Variants in OXCT1 observed in about 807,000 individuals in gnomAD.
OXCT1 encodes the protein succinyl-CoA:3-ketoacid coenzyme A transferase 1, mitochondrial.
OXCT1 carries 27 observed loss-of-function variants against 69.6 expected under a neutral mutation model. The ratio of observed to expected loss-of-function variants is 0.39; its 90% CI spans 0.29 to 0.54. The LOEUF (loss-of-function observed/expected upper bound fraction) is 0.54. Among genes scored for constraint, OXCT1 ranks in the 20% least tolerant of loss-of-function variants. OXCT1 has a pLI of 0.72. For missense variants in OXCT1, 437 were observed against 650.2 expected (o/e 0.67, Z 3.57); for synonymous variants, 202 against 217.8 (o/e 0.93, Z 0.64).
intron 3 of OXCT1, among the ~76,000 whole-genome samples, chr5:41,857,121 A>C (rs1749465109): frequency 6.6e-6 from 1 of 152,158 alleles, no homozygotes; most frequent in Non-Finnish European, 1.5e-5. Flanking sequence ...AAGCCTATTC[A>C]AAATCTGGCC....
intron 9 of OXCT1, among the ~76,000 whole-genome samples, chr5:41,803,443 A>G (rs1245933042): frequency 1.3e-5 from 2 of 152,090 alleles, no homozygotes; most frequent in Non-Finnish European, 2.9e-5. Context: ...GCACATTTTC[A>G]TTAATGTGCT....
intron 7 of OXCT1, among the ~76,000 whole-genome samples, chr5:41,835,270 C>T (rs1217259527): frequency 2.6e-5 from 4 of 151,970 alleles, no homozygotes; most frequent in African/African-American, 9.7e-5. Context: ...CAAGATTGAA[C>T]CAGAAAGAAA....
chr5:41,819,542 G>C (rs919673216), intron 7 of OXCT1, among the ~76,000 whole-genome samples: 1 of 151,940 alleles, frequency 6.6e-6, no homozygotes, highest in Non-Finnish European at 1.5e-5. Flanking sequence ...ACTAATTTTT[G>C]TATTTTTAGT....
chr5:41,852,576 A>G (rs1238935057), intron 4 of OXCT1, among the ~76,000 whole-genome samples: 1 of 152,208 alleles, frequency 6.6e-6, no homozygotes, highest in Non-Finnish European at 1.5e-5. Flanking sequence ...AATAACTCCA[A>G]TTAGTTAAGA....
intron 7 of OXCT1, among the ~76,000 whole-genome samples, chr5:41,825,217 C>T (rs533237287): frequency 2.0e-5 from 3 of 152,224 alleles, no homozygotes; most frequent in Admixed American, 6.5e-5. Context: ...GAGAAGGTGA[C>T]CTATACTTTT....
At chr5:41,812,592 G>T (rs1429652369) in intron 7 of OXCT1, among the ~76,000 whole-genome samples, 1 of 152,002 alleles carries the variant, frequency 6.6e-6, no homozygotes, top group Non-Finnish European at 1.5e-5. Context: ...AAATGCTCAA[G>T]ATAAGGAAAG....
chr5:41,810,855 T>C (rs1746946717), intron 7 of OXCT1, among the ~76,000 whole-genome samples: 1 of 151,714 alleles, frequency 6.6e-6, no homozygotes, highest in African/African-American at 2.4e-5. Context: ...CCCTAAATGG[T>C]GTTAGCGAAA....
At chr5:41,827,736 C>T (rs1452993013) in intron 7 of OXCT1, among the ~76,000 whole-genome samples, 1 of 152,098 alleles carries the variant, frequency 6.6e-6, no homozygotes, top group African/African-American at 2.4e-5. Context: ...GAGGCTTTAC[C>T]TTACCAACAA....
chr5:41,847,414 T>C (rs1031978766), intron 5 of OXCT1, among the ~76,000 whole-genome samples: 1 of 152,160 alleles, frequency 6.6e-6, no homozygotes, highest in African/African-American at 2.4e-5. Flanking sequence ...GAGGGAATCC[T>C]CCCTAACTCA....
At chr5:41,857,315 C>T (rs1579894042) in intron 3 of OXCT1, among the ~76,000 whole-genome samples, 1 of 152,186 alleles carries the variant, frequency 6.6e-6, no homozygotes, top group Admixed American at 6.5e-5. Context: ...TAAAGGTCTC[C>T]GGAGTGGCCT....
At chr5:41,855,938 A>G (rs1217936553) in intron 3 of OXCT1, among the ~76,000 whole-genome samples, 13 of 152,152 alleles carry the variant, frequency 8.5e-5, no homozygotes, top group Non-Finnish European at 7.4e-5. Flanking sequence ...GTGTAGAGAA[A>G]AACAGACAGA....
At chr5:41,779,712 G>GA (rs1745303462) in intron 13 of OXCT1, among the ~76,000 whole-genome samples, 3 of 148,268 alleles carry the variant, frequency 2.0e-5, no homozygotes, top group South Asian at 2.2e-4. Flanking sequence ...GTAAAGTTTA[G>GA]AAAAAAAAAT....
intron 13 of OXCT1, among the ~76,000 whole-genome samples, chr5:41,769,313 C>G (rs1044120606): frequency 6.6e-6 from 1 of 152,010 alleles, no homozygotes; most frequent in Non-Finnish European, 1.5e-5. Flanking sequence ...CAATAGGGAG[C>G]CTCCAAGACC....
At chr5:41,845,882 T>TA (rs1169110094) in intron 5 of OXCT1, among the ~76,000 whole-genome samples, 1 of 152,066 alleles carries the variant, frequency 6.6e-6, no homozygotes, top group African/African-American at 2.4e-5. Flanking sequence ...AGATCAAACA[T>TA]AAAAAACACA....
rs1211493036 is a variant in OXCT1 at position 41,731,539 on chromosome 5, C to G, written c.*190G>C. 4.1e-6 allele frequency: 4 copies of G among 963,868 alleles called. No homozygotes were observed. The highest frequency in any genetic ancestry group is 6.0e-6 in the Non-Finnish European group (4 of 664,192). The allele number at this position is 963,868 out of a possible 1,614,324, so 59.7% of individuals were successfully genotyped here. A position where few individuals can be genotyped will look rare whatever the true frequency, so the allele number is the denominator to read the frequency against. On this transcript the variant is annotated 3_prime_UTR_variant, in exon 17 of 17. Coordinates refer to ENST00000196371, the MANE Select transcript of OXCT1 (RefSeq NM_000436.4). The stretch of plus-strand genomic sequence containing the variant: ...AACAAATGAGATAATTATAAATGCT[C>G]CTTTTGCTTTTTATTAAAATGTCAC...
At chr5:41,841,267 C>T (rs1561120661) in intron 6 of OXCT1, among the ~76,000 whole-genome samples, 1 of 152,180 alleles carries the variant, frequency 6.6e-6, no homozygotes, top group Non-Finnish European at 1.5e-5. Flanking sequence ...GTTTTACTAG[C>T]TCTTTTGAGC....
rs771997072 is a variant in OXCT1 at position 41,731,717 on chromosome 5, A to T, written c.*12T>A. On this transcript the variant is annotated 3_prime_UTR_variant, in exon 17 of 17. Coordinates refer to ENST00000196371, the MANE Select transcript of OXCT1 (RefSeq NM_000436.4). Reference sequence around the variant, plus strand: ...AATGAAAAACACGCAGCCTGGTACAAATATCCATATTTCAATTTGCGATCT... The same window carrying T: ...AATGAAAAACACGCAGCCTGGTACATATATCCATATTTCAATTTGCGATCT... The T allele has an allele frequency of 6.2e-7, 1 of 1,604,956 alleles. No individual in the cohort carries two copies. Among genetic ancestry groups the T allele is most frequent in the Non-Finnish European group, 8.5e-7 (1 of 1,175,272 alleles).
chr5:41,857,437 G>A (rs1446052721), intron 3 of OXCT1, among the ~76,000 whole-genome samples: 1 of 152,050 alleles, frequency 6.6e-6, no homozygotes, highest in Non-Finnish European at 1.5e-5. Context: ...CCAACATCTG[G>A]ACCTCAGATG....
At chr5:41,835,394 G>C (rs1003597079) in intron 7 of OXCT1, among the ~76,000 whole-genome samples, 3 of 152,154 alleles carry the variant, frequency 2.0e-5, no homozygotes. Context: ...GAACACAGAA[G>C]ATACAGCTCC....
Sources: allele counts gnomAD v4.1 joint callset (sites outside exome capture counted in the v4.1 genomes callset), GRCh38; gene constraint gnomAD v4.1.1; transcripts MANE v1.5; gene names NCBI Gene and HGNC (gene_info 2026-07-23, HGNC 2026-07-21).